Variants in BAIAP2L2 observed in about 807,000 individuals in gnomAD.
BAIAP2L2 encodes the protein BAR/IMD domain-containing adapter protein 2-like 2.
Under a neutral mutation model 60.4 loss-of-function variants are expected in BAIAP2L2, and 65 were observed. That is an observed-to-expected ratio of 1.08 (90% CI 0.88 to 1.32). The LOEUF (loss-of-function observed/expected upper bound fraction) is 1.32. Ranked by LOEUF, BAIAP2L2 falls within the 40% of genes most tolerant of loss-of-function variation. The pLI is 0.00. For synonymous variants in BAIAP2L2, 344 were observed against 301.7 expected, an observed-to-expected ratio of 1.14 and a Z score of -1.45; for missense variants, 836 against 741.2, an observed-to-expected ratio of 1.13 and a Z score of -1.48.
In BAIAP2L2 at chr22:38,101,469, C is replaced by T. The variant is rs182918958; in HGVS notation, c.277-2987G>A. Among the ~76,000 whole-genome samples the T allele has an allele frequency of 4.6e-3, 677 of 146,692 alleles. 1 individual carries two copies. Among genetic ancestry groups the T allele is most frequent in the Non-Finnish European group, 7.6e-3 (513 of 67,252 alleles). Reference sequence around the variant, plus strand: ...GGCTGAGGTGAGAGGATTGCCCGAGCCCAGGAAGTCTAGGCTGCAATGAGC... The same window carrying T: ...GGCTGAGGTGAGAGGATTGCCCGAGTCCAGGAAGTCTAGGCTGCAATGAGC... On this transcript the variant is annotated intron_variant, in intron 4 of 13. Transcript: ENST00000381669.
At chr22:38,108,992 T>C (rs1231688386) in intron 2 of BAIAP2L2, 141 bp downstream of exon 2, 3 of 721,674 alleles carry the variant, frequency 4.2e-6, no homozygotes, top group Non-Finnish European at 7.0e-6. Flanking sequence ...GCTGCAGAGG[T>C]GTGAGGGTGA....
intron 9 of BAIAP2L2, 64 bp downstream of exon 9, chr22:38,089,032 C>T (rs1449235099): frequency 7.0e-6 from 10 of 1,420,054 alleles, no homozygotes; most frequent in Non-Finnish European, 7.3e-6. Context: ...TCGATCCCTC[C>T]TGCTGCAGCC....
At chr22:38,087,430 C>CT (rs1477074859) in intron 10 of BAIAP2L2, among the ~76,000 whole-genome samples, 166 bp from the exon 11 acceptor site, 1 of 152,138 alleles carries the variant, frequency 6.6e-6, no homozygotes, top group Non-Finnish European at 1.5e-5. Context: ...CAAGTGCCTA[C>CT]TGATAATAAC....
intron 4 of BAIAP2L2, among the ~76,000 whole-genome samples, chr22:38,103,190 TGGGTGACA>T (rs1176622507): frequency 6.6e-6 from 1 of 152,164 alleles, no homozygotes; most frequent in Non-Finnish European, 1.5e-5. Context: ...CACTTCAGCC[TGGGTGACA>T]GAGTGAGACT....
In BAIAP2L2 at chr22:38,087,118, A is replaced by AGGTACCT; in HGVS notation, c.1258_1259+5dup. The stretch of plus-strand genomic sequence containing the variant: ...ACCCCCGCCCCACCCCTGATGACTC[A>AGGTACCT]GGTACCTGGAAGGCAGCTCGTTCCC... On this transcript the variant is annotated splice_donor_region_variant and intron_variant, in intron 11 of 13. Transcript: ENST00000381669. 1 of 1,558,530 alleles carries AGGTACCT rather than the reference A, an allele frequency of 6.4e-7. No individual in the cohort carries two copies. Among genetic ancestry groups the AGGTACCT allele is most frequent in the South Asian group, 1.2e-5 (1 of 84,278 alleles).
chr22:38,088,709 T>G (rs2086175996), intron 10 of BAIAP2L2, 39 bp downstream of exon 10: 5 of 1,541,222 alleles, frequency 3.2e-6, no homozygotes, highest in East Asian at 2.3e-5. Context: ...AGGGCCTTCT[T>G]CTCAACCCAC....
At chr22:38,098,032 C>CAACA in intron 6 of BAIAP2L2, 31 bp downstream of exon 6, 3 of 1,429,542 alleles carry the variant, frequency 2.1e-6, no homozygotes, top group East Asian at 2.3e-5. Flanking sequence ...CCCGCCCTTC[C>CAACA]TGGCCCACCC....
chr22:38,110,552 G>A lies in BAIAP2L2; in HGVS notation c.-27C>T, dbSNP rs1413648194. The A allele has an allele frequency of 1.9e-6, 3 of 1,594,190 alleles. No individual in the cohort carries two copies. The highest frequency in any genetic ancestry group is 2.6e-6 in the Non-Finnish European group (3 of 1,168,186). On this transcript the variant is annotated 5_prime_UTR_variant, in exon 1 of 14. Transcript: ENST00000381669. ...GAGGGGCTGTCCCGGGTCTGAGCAG[G>A]AGGCTGGGAGCTGGTGGCGATGGCA...
chr22:38,094,894 G>A (rs548248853), intron 7 of BAIAP2L2, among the ~76,000 whole-genome samples: 29 of 152,144 alleles, frequency 1.9e-4, no homozygotes, highest in Non-Finnish European at 4.4e-5. Context: ...GCTCATGCCT[G>A]TAATGCCAGC....
intron 4 of BAIAP2L2, among the ~76,000 whole-genome samples, chr22:38,106,894 T>C (rs2086676278): frequency 6.6e-6 from 1 of 152,116 alleles, no homozygotes; most frequent in South Asian, 2.1e-4. Context: ...GCCCTGGAGC[T>C]ACGGAGAGGA....
rs531836947 is a variant in BAIAP2L2 at position 38,085,747 on chromosome 22, G to C, written c.1468-15C>G. On this transcript the variant is annotated splice_polypyrimidine_tract_variant and intron_variant, in intron 12 of 13. Transcript: ENST00000381669. ...GACATCAGTTTCTGCAGTGGGGGTG[G>C]GGAAGGGCTGGTTTGGTGGGGAGAG... The C allele has an allele frequency of 4.4e-6, 7 of 1,587,866 alleles. No individual in the cohort carries two copies. The African/African-American group carries it at 9.4e-5, about 21-fold the overall frequency.
intron 1 of BAIAP2L2, 22 bp downstream of exon 1, chr22:38,110,453 G>T: frequency 6.2e-7 from 1 of 1,609,990 alleles, no homozygotes; most frequent in Non-Finnish European, 8.5e-7. Flanking sequence ...CTCAGGCCTG[G>T]CTTGGCCACC....
intron 4 of BAIAP2L2, among the ~76,000 whole-genome samples, chr22:38,100,371 A>C (rs528971208): frequency 2.0e-5 from 3 of 151,838 alleles, no homozygotes; most frequent in Non-Finnish European, 4.4e-5. Context: ...ACTAAAAATA[A>C]AAAAATCAGC....
upstream of BAIAP2L2, chr22:38,110,730 C>A: frequency 1.8e-6 from 1 of 551,122 alleles, no homozygotes; most frequent in Non-Finnish European, 3.2e-6. Flanking sequence ...TGATCTGGGG[C>A]GTAACCAGAT....
chr22:38,095,571 G>A (rs986419226), intron 7 of BAIAP2L2, among the ~76,000 whole-genome samples: 2 of 152,042 alleles, frequency 1.3e-5, no homozygotes, highest in Non-Finnish European at 2.9e-5. Context: ...CGCCATGTTG[G>A]CCAGGCTGGT....
intron 4 of BAIAP2L2, among the ~76,000 whole-genome samples, chr22:38,107,592 T>C (rs1358028071): frequency 1.3e-5 from 2 of 152,176 alleles, no homozygotes; most frequent in African/African-American, 4.8e-5. Context: ...CCATTCACTC[T>C]GGCATCTCAG....
intron 6 of BAIAP2L2, 142 bp downstream of exon 6, chr22:38,097,921 C>T: frequency 3.8e-6 from 3 of 787,290 alleles, no homozygotes; most frequent in East Asian, 2.5e-5. Flanking sequence ...GCTGGCTGAC[C>T]TCCCCAGCCA....
At chr22:38,101,886 C>G (rs9622725) in intron 4 of BAIAP2L2, among the ~76,000 whole-genome samples, 2,773 of 152,026 alleles carry the variant, frequency 0.018, 69 homozygotes, top group East Asian at 0.11. Flanking sequence ...ACAAAACAAA[C>G]AAAACCACCA....
chr22:38,105,376 G>A (rs1246548355), intron 4 of BAIAP2L2, among the ~76,000 whole-genome samples: 2 of 128,478 alleles, frequency 1.6e-5, no homozygotes, highest in African/African-American at 3.1e-5. Context: ...GAGTCTCACC[G>A]TCACCCAGGC....
Sources: allele counts gnomAD v4.1 joint callset (sites outside exome capture counted in the v4.1 genomes callset), GRCh38; gene constraint gnomAD v4.1.1; transcripts MANE v1.5; gene names NCBI Gene and HGNC (gene_info 2026-07-23, HGNC 2026-07-21).